Variants in UBASH3B observed in about 807,000 individuals in gnomAD.
UBASH3B encodes ubiquitin-associated and SH3 domain-containing protein B.
In UBASH3B, 37 loss-of-function variants were observed where a neutral mutation model predicts 83.4. The ratio of observed to expected loss-of-function variants is 0.44; its 90% confidence interval spans 0.34 to 0.58. UBASH3B has a LOEUF of 0.58. Ranked by LOEUF, UBASH3B falls within the 20% of genes least tolerant of loss-of-function variation. The probability of loss-of-function intolerance (pLI) is 0.01; values close to 1 mark genes in which losing one functional copy is unlikely to be tolerated. For missense variants in UBASH3B, 657 were observed against 827.2 expected (o/e 0.79, Z 2.52); for synonymous variants, 304 against 318.3 (o/e 0.96, Z 0.48).
At chr11:122,734,265 C>G (rs923492186) in intron 1 of UBASH3B, among the ~76,000 whole-genome samples, 4 of 152,168 alleles carry the variant, frequency 2.6e-5, no homozygotes, top group Non-Finnish European at 5.9e-5. Context: ...GGCTGATAGC[C>G]TGGTGATCAA....
At chr11:122,809,607 G>T (rs1861403195) in intron 13 of UBASH3B, 142 bp from the exon 14 acceptor site, 1 of 774,584 alleles carries the variant, frequency 1.3e-6, no homozygotes, top group South Asian at 1.9e-5. Flanking sequence ...ATCGATTTTT[G>T]AAGGGAATGC....
chr11:122,750,970 C>G (rs1250162999), intron 1 of UBASH3B, among the ~76,000 whole-genome samples: 3 of 152,204 alleles, frequency 2.0e-5, no homozygotes, highest in Non-Finnish European at 4.4e-5. Flanking sequence ...GTGCATTGAA[C>G]ACTGACAGTG....
intron 4 of UBASH3B, chr11:122,782,732 C>T (rs1798569386): frequency 4.0e-6 from 1 of 250,030 alleles, no homozygotes; most frequent in Admixed American, 5.0e-5. Context: ...TCATAGTGCC[C>T]TCTTCTGAAA....
chr11:122,757,742 T>G, intron 1 of UBASH3B, among the ~76,000 whole-genome samples: 1 of 124,704 alleles, frequency 8.0e-6, no homozygotes, highest in Non-Finnish European at 1.6e-5. Flanking sequence ...TGAGACAGAG[T>G]CTCACTCTGT....
At chr11:122,745,593 A>G (rs575817674) in intron 1 of UBASH3B, among the ~76,000 whole-genome samples, 1 of 152,366 alleles carries the variant, frequency 6.6e-6, no homozygotes, top group East Asian at 1.9e-4. Context: ...GCCATAATCA[A>G]TATGCCTTTC....
At chr11:122,675,679 C>T (rs567178175) in intron 1 of UBASH3B, among the ~76,000 whole-genome samples, 1 of 152,306 alleles carries the variant, frequency 6.6e-6, no homozygotes, top group South Asian at 2.1e-4. Flanking sequence ...CACTGGGGTC[C>T]ATGGCCCCCA....
At chr11:122,805,706 G>A (rs7937469) in intron 11 of UBASH3B, among the ~76,000 whole-genome samples, 8,694 of 152,192 alleles carry the variant, frequency 0.057, 625 homozygotes, top group East Asian at 0.29. Flanking sequence ...CACAACATGT[G>A]GAAATTCAGG....
Position 122,772,408 on chromosome 11 carries a change from T to A in UBASH3B, c.162-3811T>A, listed in dbSNP as rs1050046629. 9.9e-5 allele frequency among the ~76,000 whole-genome samples: 15 copies of A among 151,682 alleles called. 1 individual carries two copies. The highest frequency in any genetic ancestry group is 7.2e-4 in the Admixed American group (11 of 15,246). ...TTTTGGTTTTCATTTGGTTTCCTGA[T>A]AAGCGTTCCTTAGGAGAAGAAGAAA... On this transcript the variant is annotated intron_variant, in intron 1 of 13. Transcript: ENST00000284273.
chr11:122,759,159 AT>A lies in UBASH3B; in HGVS notation c.162-17057del, dbSNP rs1227812650. On this transcript the variant is annotated intron_variant, in intron 1 of 13. Transcript: ENST00000284273. This position sits in a 1 kb window ranked among gnomAD's most constrained non-coding sequence, Gnocchi z 4.1. ...CTCACCCACATTGTTGGCAGAAGTC[AT>A]TTCCTTTTGGTTATATGACTGAGGG... Among the ~76,000 whole-genome samples the A allele has an allele frequency of 6.6e-6, 1 of 152,124 alleles. No individual in the cohort carries two copies. The highest frequency in any genetic ancestry group is 1.5e-5 in the Non-Finnish European group (1 of 68,020).
At chr11:122,774,370 C>T (rs1375457053) in intron 1 of UBASH3B, 8 of 916,556 alleles carry the variant, frequency 8.7e-6, no homozygotes, top group Non-Finnish European at 1.0e-5. Flanking sequence ...AGGGGATAGT[C>T]TTTAACTTGT....
In UBASH3B at chr11:122,808,060, C is replaced by A. The variant is rs778483257; in HGVS notation, c.1703-7C>A. On this transcript the variant is annotated splice_region_variant and splice_polypyrimidine_tract_variant and intron_variant, in intron 12 of 13. Coordinates refer to ENST00000284273, the MANE Select transcript of UBASH3B (RefSeq NM_032873.5). The stretch of plus-strand genomic sequence containing the variant: ...CAGTCTTCCCATACCTTGCCATTTT[C>A]CCCCAGGAAATAACATCCTGATTGT... The A allele has an allele frequency of 6.2e-7, 1 of 1,611,624 alleles. No homozygotes were observed.
At chr11:122,658,762 A>C (rs1399813283) in intron 1 of UBASH3B, among the ~76,000 whole-genome samples, 1 of 152,266 alleles carries the variant, frequency 6.6e-6, no homozygotes, top group African/African-American at 2.4e-5. Context: ...TGCTTAGAAC[A>C]GTTCCTGGCA....
At chr11:122,696,016 C>T (rs887984064) in intron 1 of UBASH3B, among the ~76,000 whole-genome samples, 3 of 152,062 alleles carry the variant, frequency 2.0e-5, no homozygotes, top group Admixed American at 6.5e-5. Flanking sequence ...GTGGTGCGAT[C>T]GCTGCTCACT....
At chr11:122,793,235 T>C (rs566515823) in intron 6 of UBASH3B, among the ~76,000 whole-genome samples, 1 of 152,078 alleles carries the variant, frequency 6.6e-6, no homozygotes, top group South Asian at 2.1e-4. Context: ...ATACAAAAAT[T>C]AGCCGGGCGT....
chr11:122,785,531 G>A (rs560949457), intron 5 of UBASH3B, among the ~76,000 whole-genome samples: 2 of 152,106 alleles, frequency 1.3e-5, no homozygotes, highest in African/African-American at 4.8e-5. Context: ...TTGGACACGC[G>A]AATCCCATTT....
chr11:122,717,305 A>G (rs1860541805), intron 1 of UBASH3B, among the ~76,000 whole-genome samples: 1 of 152,208 alleles, frequency 6.6e-6, no homozygotes, highest in African/African-American at 2.4e-5. Flanking sequence ...ACTAACCGAT[A>G]GCGGAAGGGC....
At chr11:122,735,833 G>A (rs566028022) in intron 1 of UBASH3B, among the ~76,000 whole-genome samples, 10 of 152,330 alleles carry the variant, frequency 6.6e-5, no homozygotes, top group Admixed American at 3.3e-4. Context: ...GCATGAGAGC[G>A]AAGTGGCGGC....
intron 11 of UBASH3B, among the ~76,000 whole-genome samples, chr11:122,804,353 G>A (rs1591332481): frequency 6.6e-6 from 1 of 152,132 alleles, no homozygotes; most frequent in African/African-American, 2.4e-5. Flanking sequence ...GGAGAAACAG[G>A]CATGCTGAGA....
In UBASH3B at chr11:122,759,122, T is replaced by C. The variant is rs1471336339; in HGVS notation, c.162-17097T>C. 6.6e-6 allele frequency among the ~76,000 whole-genome samples: 1 copy of C among 152,218 alleles called. No individual in the cohort carries two copies. The highest frequency in any genetic ancestry group is 1.5e-5 in the Non-Finnish European group (1 of 68,042). ...TTCTCACCAGAAAGCTTGACTAAGA[T>C]CCACTTATAAGCTCACCCACATTGT... On this transcript the variant is annotated intron_variant, in intron 1 of 13. Transcript: ENST00000284273. The surrounding 1 kb of genome is among the most constrained non-coding windows in gnomAD (Gnocchi z 4.1).
Sources: allele counts gnomAD v4.1 joint callset (sites outside exome capture counted in the v4.1 genomes callset), GRCh38; gene constraint gnomAD v4.1.1; non-coding constraint Gnocchi (gnomAD v3.1); transcripts MANE v1.5; gene names NCBI Gene and HGNC (gene_info 2026-07-23, HGNC 2026-07-21).